PTPRD: variants seen among roughly 807,000 people sequenced by gnomAD.
PTPRD encodes the protein receptor-type tyrosine-protein phosphatase delta.
In PTPRD, 34 loss-of-function variants were observed where a neutral mutation model predicts 214.5. That is an observed-to-expected ratio of 0.16 (90% CI 0.12 to 0.21). PTPRD has a LOEUF of 0.21. Ranked by LOEUF, PTPRD falls within the 10% of genes least tolerant of loss-of-function variation. The pLI is 1.00. For synonymous variants in PTPRD, 1,128 were observed against 845.7 expected, an observed-to-expected ratio of 1.33 and a Z score of -5.79; for missense variants, 2,545 against 2,398.7, an observed-to-expected ratio of 1.06 and a Z score of -1.27.
rs1404211238 is a variant in PTPRD, at chr9:9,273,499, T to C, written c.-202-90136A>G. ...TTTTATCTTTCTTATATAGTGTACA[T>C]TAAATATAGAAGATAAAGTTGGGTT... On this transcript the variant is annotated intron_variant, in intron 9 of 45. Coordinates refer to ENST00000381196, the MANE Select transcript of PTPRD (RefSeq NM_002839.4). 2.0e-5 allele frequency among the ~76,000 whole-genome samples: 3 copies of C among 151,314 alleles called. No individual in the cohort carries two copies. The East Asian group carries it at 5.9e-4, about 30-fold the overall frequency.
chr9:8,418,554 T>C (rs978585121), intron 35 of PTPRD, among the ~76,000 whole-genome samples: 1 of 151,532 alleles, frequency 6.6e-6, no homozygotes, highest in African/African-American at 2.4e-5. Context: ...GCATGTAAAA[T>C]GTATGTAAAA....
At chr9:10,460,211 A>G (rs543467786) in intron 2 of PTPRD, among the ~76,000 whole-genome samples, 3 of 152,248 alleles carry the variant, frequency 2.0e-5, no homozygotes, top group African/African-American at 7.2e-5. Context: ...ACTAGAAAAT[A>G]CAGATAAAAA....
At chr9:8,323,981 C>T (rs1024523398) in intron 44 of PTPRD, among the ~76,000 whole-genome samples, 2 of 152,118 alleles carry the variant, frequency 1.3e-5, no homozygotes, top group African/African-American at 2.4e-5. Context: ...GAAATTGCTA[C>T]AGCCACCTCA....
intron 31 of PTPRD, among the ~76,000 whole-genome samples, chr9:8,470,685 G>A (rs1331951599): frequency 6.6e-6 from 1 of 152,122 alleles, no homozygotes; most frequent in Non-Finnish European, 1.5e-5. Context: ...TTAAGTCTTT[G>A]CTGACAATTC....
At chr9:9,895,250 A>G (rs1412079779) in intron 5 of PTPRD, among the ~76,000 whole-genome samples, 1 of 151,986 alleles carries the variant, frequency 6.6e-6, no homozygotes, top group Non-Finnish European at 1.5e-5. Flanking sequence ...GTTTGTTACC[A>G]GTAAGAGAAA....
chr9:8,524,972 T>C lies in PTPRD; in HGVS notation c.632A>G (p.Asn211Ser). 6.2e-7 allele frequency: 1 copy of C among 1,613,698 alleles called. No homozygotes were observed. The highest frequency in any genetic ancestry group is 1.7e-5 in the Admixed American group (1 of 59,984). Residue 211 changes from asparagine to serine, a missense_variant, in exon 18 of 46, where the codon AAC becomes AGC. Asn to Ser is a conservative substitution (Grantham distance 46, BLOSUM62 1). Transcript: ENST00000381196. ...AGCGGAATAGCGAGTGCCCGCGCTG[T>C]TGGTGGCAACACACTCATATTTTCC... is the stretch of plus-strand genomic sequence containing the variant. ...DQGKYECVATNSAGTRYSAPA... is the reference protein window; with the variant it reads ...DQGKYECVATSSAGTRYSAPA...
At position 8,396,704 on chromosome 9, in the gene PTPRD, T is replaced by A. The variant is rs531159266; in HGVS notation, c.4211-7297A>T. ...GTAAGAAACATCAGCAGGTATAGTC[T>A]AAGGTAGGAGCTAGGGAATAACAGA... On this transcript the variant is annotated intron_variant, in intron 36 of 45. Transcript: ENST00000381196. 4.6e-5 allele frequency among the ~76,000 whole-genome samples: 7 copies of A among 152,190 alleles called. No homozygotes were observed. In the South Asian group the frequency reaches 1.5e-3, roughly 32 times the overall value.
At chr9:10,370,919 A>C (rs532509111) in intron 2 of PTPRD, among the ~76,000 whole-genome samples, 1 of 152,008 alleles carries the variant, frequency 6.6e-6, no homozygotes, top group African/African-American at 2.4e-5. Context: ...GGAGTTAAAC[A>C]TGTGATCTTT....
At chr9:8,915,254 A>G in intron 11 of PTPRD, among the ~76,000 whole-genome samples, 1 of 152,168 alleles carries the variant, frequency 6.6e-6, no homozygotes, top group Non-Finnish European at 1.5e-5. Flanking sequence ...GTTTTGAAGA[A>G]TCCACTTCCA....
chr9:9,732,564 T>G (rs970470073), intron 7 of PTPRD, among the ~76,000 whole-genome samples: 1 of 152,134 alleles, frequency 6.6e-6, no homozygotes, highest in Non-Finnish European at 1.5e-5. Context: ...ATCCAACTTT[T>G]GCAACTAAGG....
intron 10 of PTPRD, among the ~76,000 whole-genome samples, chr9:9,138,456 T>A (rs928926672): frequency 1.3e-5 from 2 of 152,204 alleles, no homozygotes; most frequent in Non-Finnish European, 2.9e-5. Flanking sequence ...TTCTTACTTT[T>A]AGAATAGCTC....
rs141698411 is a variant in PTPRD at position 10,058,309 on chromosome 9, T to C, written c.-544-24519A>G. On this transcript the variant is annotated intron_variant, in intron 3 of 45. Coordinates refer to ENST00000381196, the MANE Select transcript of PTPRD (RefSeq NM_002839.4). ...ATGCCACACCAGACACTGCAACCCA[T>C]ATGTTATAGTTTAACAATGTATAGC... Among the ~76,000 whole-genome samples the C allele has an allele frequency of 7.7e-4, 117 of 152,214 alleles. 2 individuals are homozygous for C. The South Asian group carries it at 0.022, about 29-fold the overall frequency.
chr9:9,836,308 A>G (rs2056746239), intron 5 of PTPRD, among the ~76,000 whole-genome samples: 1 of 152,156 alleles, frequency 6.6e-6, no homozygotes, highest in Non-Finnish European at 1.5e-5. Context: ...TTTTAATATC[A>G]TGTAGACAAT....
At chr9:8,695,148 A>G (rs2097884339) in intron 12 of PTPRD, among the ~76,000 whole-genome samples, 1 of 152,152 alleles carries the variant, frequency 6.6e-6, no homozygotes, top group Non-Finnish European at 1.5e-5. Context: ...ACAGGCCTGC[A>G]GCAGCTCTAA....
At chr9:9,343,565 C>T (rs981243709) in intron 9 of PTPRD, among the ~76,000 whole-genome samples, 7 of 152,084 alleles carry the variant, frequency 4.6e-5, no homozygotes, top group Non-Finnish European at 7.4e-5. Flanking sequence ...GTTTGAATTA[C>T]ACAACCTAAT....
At chr9:9,981,817 C>A (rs1032256917) in intron 4 of PTPRD, among the ~76,000 whole-genome samples, 1 of 152,114 alleles carries the variant, frequency 6.6e-6, no homozygotes, top group African/African-American at 2.4e-5. Context: ...TAACAACTAT[C>A]ATCTAAAATC....
In PTPRD at chr9:9,431,185, A is replaced by C. The variant is rs532739047; in HGVS notation, c.-236-33703T>G. On this transcript the variant is annotated intron_variant, in intron 8 of 45. Transcript: ENST00000381196. ...AAAGGGCTAATATCCAGAATCTACA[A>C]AGAACTTAAACAAATTTACAAGAAA... is the stretch of plus-strand genomic sequence containing the variant. Among the ~76,000 whole-genome samples, 3 of 152,312 alleles carry C rather than the reference A, an allele frequency of 2.0e-5. No homozygotes were observed. The South Asian group carries it at 6.2e-4, about 32-fold the overall frequency.
At chr9:9,777,182 A>G (rs2098805007) in intron 5 of PTPRD, among the ~76,000 whole-genome samples, 1 of 152,208 alleles carries the variant, frequency 6.6e-6, no homozygotes, top group African/African-American at 2.4e-5. Context: ...GATGTTCCTC[A>G]ATAAAATGAA....
intron 2 of PTPRD, among the ~76,000 whole-genome samples, chr9:10,346,563 A>C (rs2097087503): frequency 6.6e-6 from 1 of 152,248 alleles, no homozygotes; most frequent in Non-Finnish European, 1.5e-5. Context: ...TTAGAATTCC[A>C]GAAAATATAA....
Sources: allele counts gnomAD v4.1 joint callset (sites outside exome capture counted in the v4.1 genomes callset), GRCh38; gene constraint gnomAD v4.1.1; transcripts MANE v1.5; gene names NCBI Gene and HGNC (gene_info 2026-07-23, HGNC 2026-07-21).